The following TNIP3 variants were observed in gnomAD, a reference collection of about 807,000 sequenced individuals.
The protein encoded by TNIP3 is TNFAIP3 interacting protein 3.
A neutral mutation model predicts 54.1 loss-of-function variants in TNIP3; 34 were observed. That is an observed-to-expected ratio of 0.63 (90% CI 0.48 to 0.84). TNIP3 has a LOEUF of 0.84. TNIP3 is among the 40% of genes least tolerant of loss of function. The probability of loss-of-function intolerance (pLI) is 0.00; values close to 1 mark genes in which losing one functional copy is unlikely to be tolerated. For missense variants in TNIP3, 366 were observed against 387.6 expected (o/e 0.94, Z 0.47); for synonymous variants, 134 against 136.8 (o/e 0.98, Z 0.14).
chr4:121,149,257 G>A (rs947016378), intron 6 of TNIP3, among the ~76,000 whole-genome samples: 1 of 152,170 alleles, frequency 6.6e-6, no homozygotes, highest in African/African-American at 2.4e-5. Context: ...GAGTGGGGAG[G>A]AGAATGCTCT....
At chr4:121,165,333 C>T (rs1730701194), upstream of TNIP3, among the ~76,000 whole-genome samples, 1 of 151,938 alleles carries the variant, frequency 6.6e-6, no homozygotes, top group South Asian at 2.1e-4. Flanking sequence ...TGAGATGGTT[C>T]TACGCCCCTG....
intron 5 of TNIP3, 25 bp downstream of exon 5, chr4:121,154,526 C>A: frequency 6.2e-7 from 1 of 1,611,302 alleles, no homozygotes. Context: ...TCATTTTAAT[C>A]TCCCATGCTT....
intron 1 of TNIP3, among the ~76,000 whole-genome samples, chr4:121,161,679 G>A (rs187036048): frequency 3.9e-4 from 60 of 152,194 alleles, no homozygotes; most frequent in South Asian, 1.0e-3. Context: ...CCCAGTAAAC[G>A]TCAGAGGAAC....
intron 3 of TNIP3, among the ~76,000 whole-genome samples, chr4:121,178,582 C>T (rs1186322514): frequency 3.9e-5 from 6 of 152,152 alleles, no homozygotes. Flanking sequence ...ACAGTTTGAG[C>T]ACCTGAAAAC....
intron 2 of TNIP3, among the ~76,000 whole-genome samples, chr4:121,184,644 A>G (rs560502288): frequency 6.6e-6 from 1 of 152,268 alleles, no homozygotes; most frequent in Non-Finnish European, 1.5e-5. Flanking sequence ...GAATTCTCTC[A>G]TTATTTTTAA....
At chr4:121,170,112 T>C (rs1256556758) in intron 3 of TNIP3, among the ~76,000 whole-genome samples, 2 of 152,194 alleles carry the variant, frequency 1.3e-5, no homozygotes, top group African/African-American at 4.8e-5. Context: ...GTTAGCTACT[T>C]CCTTCTTTAT....
chr4:121,205,867 A>G (rs1726155629), intron 2 of TNIP3, among the ~76,000 whole-genome samples: 1 of 152,184 alleles, frequency 6.6e-6, no homozygotes, highest in Non-Finnish European at 1.5e-5. Context: ...AAGAGGTTTA[A>G]TTGACTCACA....
intron 9 of TNIP3, among the ~76,000 whole-genome samples, chr4:121,140,124 AGGAGTT>A (rs939656981): frequency 6.6e-6 from 1 of 152,060 alleles, no homozygotes; most frequent in Non-Finnish European, 1.5e-5. Flanking sequence ...TCATGAGGTC[AGGAGTT>A]TGAGACCAGC....
At chr4:121,162,318 G>C (rs904603569) in intron 1 of TNIP3, among the ~76,000 whole-genome samples, 1 of 152,018 alleles carries the variant, frequency 6.6e-6, no homozygotes, top group Admixed American at 6.6e-5. Flanking sequence ...AGATGTTCTC[G>C]TTTCCTTAGC....
chr4:121,156,771 A>G (rs1318463299), intron 4 of TNIP3, among the ~76,000 whole-genome samples: 1 of 152,140 alleles, frequency 6.6e-6, no homozygotes, highest in Non-Finnish European at 1.5e-5. Flanking sequence ...AGAAAAAAAA[A>G]TTTCTCCTAG....
At position 121,157,059 on chromosome 4, in the gene TNIP3, G is replaced by T. The variant is rs780030923; in HGVS notation, c.363+35C>A. 13 of 1,611,734 alleles carry T rather than the reference G, an allele frequency of 8.1e-6. No individual in the cohort carries two copies. The South Asian group carries it at 1.4e-4, about 18-fold the overall frequency. On this transcript the variant is annotated intron_variant, in intron 4 of 10. Transcript: ENST00000057513. ...CCCCCCGCCCCTTTGCTTTTATTTGGATCCTCCGGGCTCGAGGACCCGGGC... is the reference window on the plus strand; with the variant it reads ...CCCCCCGCCCCTTTGCTTTTATTTGTATCCTCCGGGCTCGAGGACCCGGGC...
At chr4:121,136,168 T>G (rs970662463) in intron 10 of TNIP3, among the ~76,000 whole-genome samples, 4 of 152,182 alleles carry the variant, frequency 2.6e-5, no homozygotes, top group African/African-American at 9.7e-5. Context: ...CACTTAATCT[T>G]ACATAGTACC....
At chr4:121,179,622 A>G (rs1192557493) in intron 3 of TNIP3, among the ~76,000 whole-genome samples, 1 of 152,234 alleles carries the variant, frequency 6.6e-6, no homozygotes, top group Admixed American at 6.5e-5. Context: ...AAAAAAGTCC[A>G]AAGATATAAT....
chr4:121,147,174 C>T lies in TNIP3; in HGVS notation c.610G>A (p.Val204Met), dbSNP rs755023443. The T allele has an allele frequency of 5.0e-6, 8 of 1,605,122 alleles. No individual in the cohort carries two copies. The highest frequency in any genetic ancestry group is 5.9e-6 in the Non-Finnish European group (7 of 1,177,144). ...TTGAAGTCTTCTTCGTATATTTGCACCTAAGAAATATTAGCTTGCTGTTAC... is the reference window on the plus strand; with the variant it reads ...TTGAAGTCTTCTTCGTATATTTGCATCTAAGAAATATTAGCTTGCTGTTAC... ...RTEMEVLKQQVQIYEEDFKKE... is the reference protein window; with the variant it reads ...RTEMEVLKQQMQIYEEDFKKE... Residue 204 changes from valine to methionine, a missense_variant and splice_region_variant, in exon 7 of 11, where the codon GTG becomes ATG. Physicochemically the swap from Val to Met is conservative, Grantham distance 21. Transcript: ENST00000057513.
chr4:121,151,178 T>C (rs1272077958), intron 5 of TNIP3, among the ~76,000 whole-genome samples: 1 of 152,228 alleles, frequency 6.6e-6, no homozygotes, highest in East Asian at 1.9e-4. Flanking sequence ...ATAAAATGAC[T>C]ACTTGCTCAT....
intron 3 of TNIP3, among the ~76,000 whole-genome samples, chr4:121,176,896 T>A (rs1253028336): frequency 1.3e-5 from 2 of 152,208 alleles, no homozygotes; most frequent in African/African-American, 4.8e-5. Context: ...CCCCAGCCAC[T>A]GGGAGTTCCT....
chr4:121,192,453 G>T (rs1282220375), intron 2 of TNIP3, among the ~76,000 whole-genome samples: 1 of 152,146 alleles, frequency 6.6e-6, no homozygotes, highest in Non-Finnish European at 1.5e-5. Flanking sequence ...AGTTTTGTTT[G>T]AGATGCTACA....
intron 2 of TNIP3, among the ~76,000 whole-genome samples, chr4:121,206,727 A>G (rs548858600): frequency 2.0e-5 from 3 of 151,940 alleles, no homozygotes; most frequent in Non-Finnish European, 4.4e-5. Flanking sequence ...ATGCTCAGCT[A>G]ATTTTTTCTT....
rs1728473959 is a variant in TNIP3 at position 121,131,586 on chromosome 4, C to T, written c.*1045G>A. 1.3e-5 allele frequency: 2 copies of T among 148,788 alleles called. No individual in the cohort carries two copies. Among genetic ancestry groups the T allele is most frequent in the Non-Finnish European group, 3.0e-5 (2 of 67,580 alleles). 9.2% of individuals were successfully genotyped at this position (148,788 alleles called of 1,614,324 possible). ...AGCCATATAGCCATCATCATCCCAT[C>T]AGGACTTTGTCTTCCTTTTTTTTTT... is the stretch of plus-strand genomic sequence containing the variant. On this transcript the variant is annotated 3_prime_UTR_variant, in exon 11 of 11. Coordinates refer to ENST00000057513, the MANE Select transcript of TNIP3 (RefSeq NM_024873.6).
Sources: gnomAD v4.1 joint callset for allele counts (sites outside exome capture counted in the v4.1 genomes callset) on GRCh38, gnomAD v4.1.1 for gene constraint, MANE v1.5 for transcripts, NCBI Gene and HGNC (gene_info 2026-07-23, HGNC 2026-07-21) for gene names.